EXT1: variants seen among roughly 807,000 people sequenced by gnomAD.
EXT1 encodes exostosin glycosyltransferase 1.
A neutral mutation model predicts 82.5 loss-of-function variants in EXT1; 20 were observed. The ratio of observed to expected loss-of-function variants is 0.24; its 90% confidence interval spans 0.17 to 0.35. The LOEUF (loss-of-function observed/expected upper bound fraction) is 0.35, where lower values mean the gene tolerates loss of function less well. EXT1 is among the 10% of genes least tolerant of loss of function. The pLI is 1.00. For missense variants in EXT1, 757 were observed against 936.5 expected (o/e 0.81, Z 2.50); for synonymous variants, 348 against 350.8 (o/e 0.99, Z 0.09).
intron 4 of EXT1, among the ~76,000 whole-genome samples, chr8:117,829,718 C>T (rs1563573548): frequency 1.3e-5 from 2 of 151,610 alleles, no homozygotes; most frequent in Non-Finnish European, 1.5e-5. Flanking sequence ...GGATTACAAG[C>T]GTGTGCCACC....
intron 7 of EXT1, among the ~76,000 whole-genome samples, chr8:117,815,317 T>C (rs1396015426): frequency 6.6e-6 from 1 of 152,142 alleles, no homozygotes; most frequent in Non-Finnish European, 1.5e-5. Flanking sequence ...GAGATAGAGA[T>C]TTTAAAATGG....
rs553150826 is a variant in EXT1, at chr8:117,832,499, G to A, written c.1165-2150C>T. Among the ~76,000 whole-genome samples, 6 of 151,438 alleles carry A rather than the reference G, an allele frequency of 4.0e-5. No homozygotes were observed. The South Asian group carries it at 8.4e-4, about 21-fold the overall frequency. ...GATTGCACCGCTGCACTCCAGCCTG[G>A]GTGACAGAGCAAGACTGTCTTAAAA... On this transcript the variant is annotated intron_variant, in intron 3 of 10. Coordinates refer to ENST00000378204, the MANE Select transcript of EXT1 (RefSeq NM_000127.3).
chr8:117,868,713 G>A (rs531022200), intron 1 of EXT1, among the ~76,000 whole-genome samples: 2 of 152,310 alleles, frequency 1.3e-5, no homozygotes, highest in South Asian at 2.1e-4. Flanking sequence ...GCCTCCCAAA[G>A]TGCTGGGATT....
Position 117,807,145 on chromosome 8 carries a change from A to T in EXT1, c.1883+72T>A. 2 of 1,585,138 alleles carry T rather than the reference A, an allele frequency of 1.3e-6. 1 individual carries two copies. The highest frequency in any genetic ancestry group is 1.7e-6 in the Non-Finnish European group (2 of 1,153,748). ...AATGCTGTTAACAAGATTTGGCCTT[A>T]GTTCCTATTTATGCAGCAGCCAATA... On this transcript the variant is annotated intron_variant, in intron 9 of 10. Transcript: ENST00000378204.
intron 1 of EXT1, among the ~76,000 whole-genome samples, chr8:117,958,243 C>T (rs1161840495): frequency 6.6e-6 from 1 of 152,094 alleles, no homozygotes; most frequent in Non-Finnish European, 1.5e-5. Flanking sequence ...GAACAACATT[C>T]ATCTCATAGG....
At chr8:117,858,275 A>G (rs1030261753) in intron 1 of EXT1, among the ~76,000 whole-genome samples, 2 of 152,266 alleles carry the variant, frequency 1.3e-5, no homozygotes, top group Non-Finnish European at 2.9e-5. Context: ...GCTATCAAAC[A>G]GCATTCTCTA....
At chr8:117,990,501 T>TTCCCTGACAGCAAC (rs1186054260) in intron 1 of EXT1, among the ~76,000 whole-genome samples, 6 of 152,206 alleles carry the variant, frequency 3.9e-5, no homozygotes, top group African/African-American at 4.8e-5. Context: ...CACCTGAACC[T>TTCCCTGACAGCAAC]ATGCCTTCCC....
rs184409238 is a variant in EXT1 at position 118,022,545 on chromosome 8, T to G, written c.962+87540A>C. On this transcript the variant is annotated intron_variant, in intron 1 of 10. Transcript: ENST00000378204. ...TAGAAACAGGGTTTCACCATGTTGG[T>G]CAGGCTGGTCTCGAACTCCTGACCT... Among the ~76,000 whole-genome samples the G allele has an allele frequency of 7.1e-3, 1,075 of 150,600 alleles. 6 individuals are homozygous for G. The highest frequency in any genetic ancestry group is 0.012 in the Non-Finnish European group (809 of 67,610).
chr8:118,105,165 G>A (rs987764303), intron 1 of EXT1, among the ~76,000 whole-genome samples: 1 of 152,182 alleles, frequency 6.6e-6, no homozygotes, highest in African/African-American at 2.4e-5. Context: ...CTTCTGCTGT[G>A]ACATTGGCAT....
chr8:117,914,784 T>G (rs1257767083), intron 1 of EXT1, among the ~76,000 whole-genome samples: 1 of 152,188 alleles, frequency 6.6e-6, no homozygotes. Context: ...TGTTTTCTGT[T>G]GTTTAAGATG....
intron 1 of EXT1, among the ~76,000 whole-genome samples, chr8:118,065,814 A>G (rs1401804671): frequency 6.6e-6 from 1 of 152,240 alleles, no homozygotes; most frequent in Non-Finnish European, 1.5e-5. Flanking sequence ...TAAATAATGT[A>G]CTTGTCCCAA....
chr8:118,084,143 C>A (rs1444745162), intron 1 of EXT1, among the ~76,000 whole-genome samples: 1 of 152,220 alleles, frequency 6.6e-6, no homozygotes, highest in Non-Finnish European at 1.5e-5. Flanking sequence ...ACCAAGCTCT[C>A]TCAGTCAAAC....
chr8:118,011,490 G>C (rs1815898500), intron 1 of EXT1, among the ~76,000 whole-genome samples: 1 of 152,168 alleles, frequency 6.6e-6, no homozygotes, highest in Non-Finnish European at 1.5e-5. Flanking sequence ...AAAGTATCGA[G>C]TAAATACTGG....
chr8:117,878,612 G>A (rs1221743245), intron 1 of EXT1, among the ~76,000 whole-genome samples: 1 of 152,180 alleles, frequency 6.6e-6, no homozygotes, highest in African/African-American at 2.4e-5. Flanking sequence ...ATCTCTCAAA[G>A]GGCTGAAGTG....
chr8:117,813,967 C>T (rs983149935), intron 7 of EXT1, among the ~76,000 whole-genome samples: 8 of 151,402 alleles, frequency 5.3e-5, no homozygotes, highest in Non-Finnish European at 1.2e-4. Flanking sequence ...GATGGTGCCA[C>T]AGCACTCCAG....
At chr8:118,037,874 CTT>C (rs1251578976) in intron 1 of EXT1, among the ~76,000 whole-genome samples, 1 of 126,754 alleles carries the variant, frequency 7.9e-6, no homozygotes. Context: ...GAGTTTCACT[CTT>C]GTCGCCCAGA....
In EXT1 at chr8:118,111,479, C is replaced by T. The variant is rs1817902982; in HGVS notation, c.-433G>A. 2 of 541,882 alleles carry T rather than the reference C, an allele frequency of 3.7e-6. No homozygotes were observed. Among genetic ancestry groups the T allele is most frequent in the Non-Finnish European group, 6.5e-6 (2 of 309,886 alleles). 33.6% of individuals were successfully genotyped at this position (541,882 alleles called of 1,614,324 possible). ...TGGAAAATGAGCCCCGGGAAGGCAA[C>T]TTCAACTCATCCACCACTCTCCGTG... On this transcript the variant is annotated 5_prime_UTR_variant, in exon 1 of 11. Transcript: ENST00000378204.
intron 1 of EXT1, among the ~76,000 whole-genome samples, chr8:118,060,644 G>C (rs1443963932): frequency 6.6e-6 from 1 of 152,080 alleles, no homozygotes; most frequent in Non-Finnish European, 1.5e-5. Flanking sequence ...TTTACATTTG[G>C]GGTTGCTTTT....
In EXT1 at chr8:117,897,877, A is replaced by G. The variant is rs917773666; in HGVS notation, c.963-60676T>C. On this transcript the variant is annotated intron_variant, in intron 1 of 10. Coordinates refer to ENST00000378204, the MANE Select transcript of EXT1 (RefSeq NM_000127.3). ...CTCAGCCTCCCAAAACGGTCGGATTATAGGCGTGAACCACCGCACCCAGCC... is the reference window on the plus strand; with the variant it reads ...CTCAGCCTCCCAAAACGGTCGGATTGTAGGCGTGAACCACCGCACCCAGCC... 3.3e-5 allele frequency among the ~76,000 whole-genome samples: 5 copies of G among 152,156 alleles called. No individual in the cohort carries two copies. The East Asian group carries it at 7.8e-4, about 24-fold the overall frequency.
Sources: allele counts gnomAD v4.1 joint callset (sites outside exome capture counted in the v4.1 genomes callset), GRCh38; gene constraint gnomAD v4.1.1; transcripts MANE v1.5; gene names NCBI Gene and HGNC (gene_info 2026-07-23, HGNC 2026-07-21).